ZNF234: variants seen among roughly 807,000 people sequenced by gnomAD.
ZNF234 encodes C2-H2 type zinc finger protein.
ZNF234 carries 4 observed loss-of-function variants against 10.3 expected under a neutral mutation model. That is an observed-to-expected ratio of 0.39 (90% CI 0.19 to 0.89). The LOEUF (loss-of-function observed/expected upper bound fraction) is 0.89, where lower values mean the gene tolerates loss of function less well. ZNF234 is among the 40% of genes least tolerant of loss of function. The pLI is 0.38. For synonymous variants in ZNF234, 258 were observed against 280.1 expected, an observed-to-expected ratio of 0.92 and a Z score of 0.79; for missense variants, 711 against 836.1, an observed-to-expected ratio of 0.85 and a Z score of 1.85.
At chr19:44,147,497 C>A (rs1968629093) in intron 3 of ZNF234, among the ~76,000 whole-genome samples, 1 of 152,072 alleles carries the variant, frequency 6.6e-6, no homozygotes, top group African/African-American at 2.4e-5. Context: ...CTTGGCCTCC[C>A]AAAGTGCTGG....
At chr19:44,142,631 C>T (rs1328512431) in intron 2 of ZNF234, among the ~76,000 whole-genome samples, 2 of 152,128 alleles carry the variant, frequency 1.3e-5, no homozygotes, top group Non-Finnish European at 2.9e-5. Context: ...CTCATTGAGG[C>T]AGAGGAACTA....
At chr19:44,151,378 T>C (rs1278070151) in intron 5 of ZNF234, among the ~76,000 whole-genome samples, 2 of 151,994 alleles carry the variant, frequency 1.3e-5, no homozygotes, top group Admixed American at 1.3e-4. Flanking sequence ...GATTTTTGTA[T>C]TTTTTATAGA....
Position 44,157,765 on chromosome 19 carries a change from T to G in ZNF234, c.1749T>G (p.Leu583=). Residue 583 remains leucine, a synonymous_variant, in exon 6 of 6, where the codon CTT becomes CTG. Coordinates refer to ENST00000426739, the MANE Select transcript of ZNF234 (RefSeq NM_006630.3). ...CGKGFKWSLN[L]DMHQRVHTGE... ...AGGGCTTCAAGTGGAGCTTGAACCT[T>G]GACATGCATCAGAGGGTGCACACAG... is the stretch of plus-strand genomic sequence containing the variant. 1 of 1,613,950 alleles carries G rather than the reference T, an allele frequency of 6.2e-7. No individual in the cohort carries two copies. Among genetic ancestry groups the G allele is most frequent in the Non-Finnish European group, 8.5e-7 (1 of 1,179,934 alleles).
rs1346531588 is a variant in ZNF234, at chr19:44,158,683, G to T, written c.*564G>T. 9 of 159,706 alleles carry T rather than the reference G, an allele frequency of 5.6e-5. No individual in the cohort carries two copies. Among genetic ancestry groups the T allele is most frequent in the Admixed American group, 5.4e-4 (9 of 16,678 alleles). The allele number at this position is 159,706 out of a possible 1,614,324, so 9.9% of individuals were successfully genotyped here. ...AGTGACCACACAGCTGAGAACCCTT[G>T]TTAAGTGGTACAGTAAAGCATTCTG... On this transcript the variant is annotated 3_prime_UTR_variant, in exon 6 of 6. Transcript: ENST00000426739.
At chr19:44,145,927 C>T (rs112242236) in intron 3 of ZNF234, among the ~76,000 whole-genome samples, 5 of 152,308 alleles carry the variant, frequency 3.3e-5, no homozygotes, top group African/African-American at 1.2e-4. Context: ...GAAGATTTGC[C>T]AGTCACTTGT....
chr19:44,152,886 G>A (rs1028733549), intron 5 of ZNF234, among the ~76,000 whole-genome samples: 3 of 152,070 alleles, frequency 2.0e-5, no homozygotes, highest in African/African-American at 7.2e-5. Context: ...AAGTGACACA[G>A]CTGAATGTTG....
Position 44,157,024 on chromosome 19 carries a change from G to C in ZNF234, c.1008G>C (p.Arg336Ser), listed in dbSNP as rs967200082. The change falls in exon 6 of 6, where the codon AGG becomes AGC. Residue 336 changes from arginine to serine, a missense_variant. Physicochemically the swap from Arg to Ser is moderately radical, Grantham distance 110. Coordinates refer to ENST00000426739, the MANE Select transcript of ZNF234 (RefSeq NM_006630.3). The part of the protein sequence containing the change: ...TCSSNLRIHQ[R>S]VHTGEKPYKC... ...GCTCAAACCTTCGTATCCATCAAAGGGTCCACACAGGAGAGAAACCTTACA... is the reference window on the plus strand; with the variant it reads ...GCTCAAACCTTCGTATCCATCAAAGCGTCCACACAGGAGAGAAACCTTACA... 1 of 1,613,876 alleles carries C rather than the reference G, an allele frequency of 6.2e-7. No homozygotes were observed. Among genetic ancestry groups the C allele is most frequent in the Non-Finnish European group, 8.5e-7 (1 of 1,179,962 alleles).
At chr19:44,155,612 A>G (rs1568552971) in intron 5 of ZNF234, among the ~76,000 whole-genome samples, 2 of 152,348 alleles carry the variant, frequency 1.3e-5, no homozygotes, top group South Asian at 2.1e-4. Flanking sequence ...TGTGTTGTTC[A>G]ACGGTCAACT....
At chr19:44,155,782 A>G (rs1253889864) in intron 5 of ZNF234, among the ~76,000 whole-genome samples, 1 of 151,990 alleles carries the variant, frequency 6.6e-6, no homozygotes, top group Admixed American at 6.6e-5. Flanking sequence ...AATATTTTTA[A>G]TAGAGGTACA....
At chr19:44,155,417 T>C (rs1424202923) in intron 5 of ZNF234, among the ~76,000 whole-genome samples, 3 of 152,214 alleles carry the variant, frequency 2.0e-5, no homozygotes, top group African/African-American at 7.2e-5. Context: ...ATATTTTGTA[T>C]GTTATAATGT....
At position 44,159,622 on chromosome 19, in the gene ZNF234, G is replaced by T. The variant is rs1355155082; in HGVS notation, c.*1503G>T. 2.1e-6 allele frequency: 1 copy of T among 475,078 alleles called. No homozygotes were observed. The highest frequency in any genetic ancestry group is 4.3e-6 in the Non-Finnish European group (1 of 230,410). 29.4% of individuals were successfully genotyped at this position (475,078 alleles called of 1,614,324 possible). ...TTACTCTAACACTTTTAAAGTGTCA[G>T]AAGTAGTTGCCAATGCCAAATTTTT... On this transcript the variant is annotated 3_prime_UTR_variant, in exon 6 of 6. Coordinates refer to ENST00000426739, the MANE Select transcript of ZNF234 (RefSeq NM_006630.3).
chr19:44,146,510 G>A (rs903517176), intron 3 of ZNF234, among the ~76,000 whole-genome samples: 1 of 152,134 alleles, frequency 6.6e-6, no homozygotes, highest in Admixed American at 6.5e-5. Context: ...ACATCTCTGA[G>A]GAGTACCCTG....
chr19:44,154,628 CTT>C (rs779013573), intron 5 of ZNF234, among the ~76,000 whole-genome samples: 5 of 102,424 alleles, frequency 4.9e-5, no homozygotes, highest in Admixed American at 9.3e-5. Context: ...TTCTCTTTTT[CTT>C]TTTTTTTTTT....
intron 2 of ZNF234, among the ~76,000 whole-genome samples, chr19:44,144,319 A>G (rs1255284281): frequency 1.3e-5 from 2 of 152,170 alleles, no homozygotes; most frequent in South Asian, 2.1e-4. Flanking sequence ...AGGTTCATGC[A>G]TGTTGTAGCA....
intron 2 of ZNF234, among the ~76,000 whole-genome samples, chr19:44,143,410 C>T (rs533576115): frequency 8.5e-5 from 13 of 152,172 alleles, no homozygotes; most frequent in African/African-American, 3.1e-4. Context: ...GAGATCAAGA[C>T]CATCCTGGCT....
In ZNF234 at chr19:44,157,694, A is replaced by G. The variant is rs996141316; in HGVS notation, c.1678A>G (p.Lys560Glu). Reference protein sequence around the residue: ...SRSAHLQAHQKVHTGEKPYKC... With the variant: ...SRSAHLQAHQEVHTGEKPYKC... The stretch of plus-strand genomic sequence containing the variant: ...GAGTGCACACCTTCAAGCCCATCAA[A>G]AAGTCCACACTGGAGAAAAGCCATA... The change falls in exon 6 of 6, where the codon AAA (lysine) becomes GAA (glutamate). Residue 560 changes from lysine (K) to glutamate (E), a missense_variant. Physicochemically the swap from Lys to Glu is moderately conservative, Grantham distance 56 (BLOSUM62 1). Coordinates refer to ENST00000426739, the MANE Select transcript of ZNF234 (RefSeq NM_006630.3). 3 of 1,613,800 alleles carry G rather than the reference A, an allele frequency of 1.9e-6. No individual in the cohort carries two copies. Among genetic ancestry groups the G allele is most frequent in the Non-Finnish European group, 2.5e-6 (3 of 1,179,922 alleles).
intron 5 of ZNF234, among the ~76,000 whole-genome samples, chr19:44,153,324 G>C (rs1968795335): frequency 6.6e-6 from 1 of 151,592 alleles, no homozygotes; most frequent in African/African-American, 2.4e-5. Flanking sequence ...GAGCTCTTTT[G>C]AGCATGAGCC....
intron 5 of ZNF234, among the ~76,000 whole-genome samples, chr19:44,150,845 C>T (rs1345759338): frequency 1.3e-5 from 2 of 152,020 alleles, no homozygotes; most frequent in Non-Finnish European, 2.9e-5. Flanking sequence ...ACCAGCCTGG[C>T]TAACATGGCA....
In ZNF234 at chr19:44,156,969, G is replaced by C; in HGVS notation, c.953G>C (p.Cys318Ser). ...MVHTGEKPYKCEDCGKCFTCS... is the reference protein window; with the variant it reads ...MVHTGEKPYKSEDCGKCFTCS... ...CACACAGGAGAGAAACCATACAAAT[G>C]TGAGGACTGTGGTAAGTGTTTCACT... Residue 318 changes from cysteine (C) to serine (S), a missense_variant, in exon 6 of 6, where the codon TGT (cysteine) becomes TCT (serine). Transcript: ENST00000426739. 3 of 1,614,094 alleles carry C rather than the reference G, an allele frequency of 1.9e-6. No individual in the cohort carries two copies. The highest frequency in any genetic ancestry group is 2.5e-6 in the Non-Finnish European group (3 of 1,179,972).
Sources: gnomAD v4.1 joint callset for allele counts (sites outside exome capture counted in the v4.1 genomes callset) on GRCh38, gnomAD v4.1.1 for gene constraint, MANE v1.5 for transcripts, NCBI Gene and HGNC (gene_info 2026-07-23, HGNC 2026-07-21) for gene names.